The following PTPRT variants were observed in gnomAD, a reference collection of about 807,000 sequenced individuals.
PTPRT encodes the protein receptor-type tyrosine-protein phosphatase T.
Under a neutral mutation model 176.8 loss-of-function variants are expected in PTPRT, and 56 were observed. That is an observed-to-expected ratio of 0.32 (90% confidence interval 0.26 to 0.40). The LOEUF (loss-of-function observed/expected upper bound fraction) is 0.40. Among genes scored for constraint, PTPRT ranks in the 10% least tolerant of loss-of-function variants. PTPRT has a pLI of 1.00. For missense variants in PTPRT, 1,540 were observed against 1,908.2 expected, an observed-to-expected ratio of 0.81 and a Z score of 3.60; for synonymous variants, 783 against 739.0, an observed-to-expected ratio of 1.06 and a Z score of -0.96.
intron 27 of PTPRT, among the ~76,000 whole-genome samples, chr20:42,096,316 G>T (rs539792521): frequency 1.3e-5 from 2 of 151,862 alleles, no homozygotes; most frequent in South Asian, 2.1e-4. Flanking sequence ...TTAAGAGATG[G>T]GGTCAGCCAG....
chr20:42,039,069 G>T, the PTPRT span, among the ~76,000 whole-genome samples: 1 of 152,130 alleles, frequency 6.6e-6, no homozygotes, highest in East Asian at 1.9e-4. Flanking sequence ...GCAGAGATTT[G>T]GTTTGTCTGG....
At chr20:42,749,881 A>G (rs1228635831) in intron 6 of PTPRT, among the ~76,000 whole-genome samples, 3 of 152,220 alleles carry the variant, frequency 2.0e-5, no homozygotes, top group Non-Finnish European at 4.4e-5. Context: ...GCAAAACGGG[A>G]CCAGCCAGGA....
chr20:42,932,109 C>T (rs954974662), intron 1 of PTPRT, among the ~76,000 whole-genome samples: 14 of 152,226 alleles, frequency 9.2e-5, no homozygotes, highest in Admixed American at 2.6e-4. Context: ...CAGGCCCACA[C>T]GACCAGGGGT....
intron 1 of PTPRT, among the ~76,000 whole-genome samples, chr20:43,097,991 C>A (rs940833350): frequency 1.3e-5 from 2 of 152,118 alleles, no homozygotes; most frequent in Non-Finnish European, 2.9e-5. Flanking sequence ...CCGAAGATGA[C>A]CCCCAGGCTA....
At chr20:42,945,425 G>T (rs1980821459) in intron 1 of PTPRT, among the ~76,000 whole-genome samples, 2 of 152,194 alleles carry the variant, frequency 1.3e-5, no homozygotes, top group South Asian at 4.1e-4. Flanking sequence ...AACCATGTCT[G>T]CCAGGGCGTC....
At chr20:42,929,378 T>C (rs1470364110) in intron 1 of PTPRT, among the ~76,000 whole-genome samples, 2 of 152,242 alleles carry the variant, frequency 1.3e-5, no homozygotes, top group Non-Finnish European at 2.9e-5. Flanking sequence ...GGACATTAAA[T>C]CATCTGTCAC....
intron 18 of PTPRT, among the ~76,000 whole-genome samples, chr20:42,140,302 G>C (rs1012768217): frequency 6.6e-6 from 1 of 152,138 alleles, no homozygotes; most frequent in Non-Finnish European, 1.5e-5. Context: ...CCATTGGTGA[G>C]ATGTCAAAAG....
At chr20:42,883,244 T>C (rs930729224) in intron 2 of PTPRT, among the ~76,000 whole-genome samples, 2 of 151,834 alleles carry the variant, frequency 1.3e-5, no homozygotes, top group Non-Finnish European at 2.9e-5. Context: ...AGTCAAGGAG[T>C]CTGTTAGAAA....
At chr20:42,849,527 G>A (rs2078433844) in intron 2 of PTPRT, among the ~76,000 whole-genome samples, 1 of 152,092 alleles carries the variant, frequency 6.6e-6, no homozygotes. Flanking sequence ...CTCCTCACAT[G>A]CCCCTAGGGT....
chr20:42,088,487 C>T (rs188601578), intron 27 of PTPRT, among the ~76,000 whole-genome samples: 61 of 151,878 alleles, frequency 4.0e-4, no homozygotes, highest in Admixed American at 7.2e-4. Context: ...GGAAGAGCAG[C>T]GAGCAGGAAG....
chr20:43,119,687 G>A (rs1271355298), intron 1 of PTPRT, among the ~76,000 whole-genome samples: 1 of 152,154 alleles, frequency 6.6e-6, no homozygotes, highest in Admixed American at 6.5e-5. Flanking sequence ...TCCTTTTTAT[G>A]ATTATTGCCA....
Position 42,964,480 on chromosome 20 carries a change from G to A in PTPRT, c.89-78548C>T, listed in dbSNP as rs146023461. Among the ~76,000 whole-genome samples the A allele has an allele frequency of 7.2e-5, 11 of 152,102 alleles. No homozygotes were observed. The East Asian group carries it at 1.4e-3, about 19-fold the overall frequency. Reference sequence around the variant, plus strand: ...AACTATCATGACCTTTTCTGTAGCAGGTAGCAATGCATTGAGATATAGAAA... The same window carrying A: ...AACTATCATGACCTTTTCTGTAGCAAGTAGCAATGCATTGAGATATAGAAA... On this transcript the variant is annotated intron_variant, in intron 1 of 30. Transcript: ENST00000373187.
Position 42,303,038 on chromosome 20 carries a change from T to C in PTPRT, c.2139+12685A>G, listed in dbSNP as rs905218458. ...TACAAACTATCCCCTAATTGAGAAG[T>C]TGGAAATGTAGTTTCTCTGCACCTC... On this transcript the variant is annotated intron_variant, in intron 12 of 30. Coordinates refer to ENST00000373187, the MANE Select transcript of PTPRT (RefSeq NM_007050.6). Among the ~76,000 whole-genome samples, 10 of 152,320 alleles carry C rather than the reference T, an allele frequency of 6.6e-5. No homozygotes were observed. In the East Asian group the frequency reaches 7.7e-4, roughly 12 times the overall value.
intron 9 of PTPRT, among the ~76,000 whole-genome samples, chr20:42,392,093 C>A (rs1474163342): frequency 6.6e-6 from 1 of 152,182 alleles, no homozygotes. Flanking sequence ...GATGCCAACT[C>A]CCTACCTCAC....
chr20:43,102,631 T>G (rs2012441738), intron 1 of PTPRT, among the ~76,000 whole-genome samples: 1 of 152,168 alleles, frequency 6.6e-6, no homozygotes, highest in African/African-American at 2.4e-5. Flanking sequence ...TTTGTGGCTG[T>G]GGGTGCAGAG....
At chr20:42,818,508 C>T (rs148936281) in intron 2 of PTPRT, among the ~76,000 whole-genome samples, 85 of 152,288 alleles carry the variant, frequency 5.6e-4, no homozygotes, top group African/African-American at 2.0e-3. Flanking sequence ...AACGTCGTTC[C>T]ATCACAAGCA....
chr20:43,108,369 C>G lies in PTPRT; in HGVS notation c.88+81277G>C, dbSNP rs74748815. Among the ~76,000 whole-genome samples the G allele has an allele frequency of 9.5e-3, 1,454 of 152,260 alleles. 14 individuals are homozygous for G. The highest frequency in any genetic ancestry group is 0.014 in the Non-Finnish European group (976 of 68,020). The stretch of plus-strand genomic sequence containing the variant: ...CTGATGCCCAGTATCAACTGCCAGC[C>G]CAGTTGAGCCTTTGGAAGACGCCAA... On this transcript the variant is annotated intron_variant, in intron 1 of 30. Transcript: ENST00000373187.
In PTPRT at chr20:42,393,162, T is replaced by G. The variant is rs1046955225; in HGVS notation, c.1561-40877A>C. On this transcript the variant is annotated intron_variant, in intron 9 of 30. Coordinates refer to ENST00000373187, the MANE Select transcript of PTPRT (RefSeq NM_007050.6). ...GAAGGGCACCTCTGGAATAAGGGTC[T>G]TAGGACTTTCTTCAGGGGAGAAGGC... Among the ~76,000 whole-genome samples the G allele has an allele frequency of 5.3e-5, 8 of 152,144 alleles. 1 individual carries two copies. The highest frequency in any genetic ancestry group is 1.9e-4 in the African/African-American group (8 of 41,438).
intron 7 of PTPRT, among the ~76,000 whole-genome samples, chr20:42,530,869 T>C (rs2072371243): frequency 6.6e-6 from 1 of 152,162 alleles, no homozygotes; most frequent in Non-Finnish European, 1.5e-5. Flanking sequence ...TGGGATAAAT[T>C]GGATGTCAGT....
Sources: allele counts gnomAD v4.1 joint callset (sites outside exome capture counted in the v4.1 genomes callset), GRCh38; gene constraint gnomAD v4.1.1; transcripts MANE v1.5; gene names NCBI Gene and HGNC (gene_info 2026-07-23, HGNC 2026-07-21).